The following DMXL2 variants were observed in gnomAD, a reference collection of about 807,000 sequenced individuals.
The protein encoded by DMXL2 is dmX-like protein 2.
Under a neutral mutation model 331.1 loss-of-function variants are expected in DMXL2, and 103 were observed. That is an observed-to-expected ratio of 0.31 (90% CI 0.27 to 0.37). The LOEUF is 0.37. Ranked by LOEUF, DMXL2 falls within the 10% of genes least tolerant of loss-of-function variation. The pLI, the probability that DMXL2 is intolerant of heterozygous loss-of-function variation, is 1.00. For missense variants in DMXL2, 3,171 were observed against 3,642.9 expected (o/e 0.87, Z 3.33); for synonymous variants, 1,281 against 1,252.1 (o/e 1.02, Z -0.49).
intron 6 of DMXL2, among the ~76,000 whole-genome samples, chr15:51,560,137 A>T (rs2049860654): frequency 6.6e-6 from 1 of 152,218 alleles, no homozygotes; most frequent in Non-Finnish European, 1.5e-5. Flanking sequence ...TTAAGATTTT[A>T]GGAGAAAATA....
At chr15:51,548,785 A>C (rs1048335589) in intron 6 of DMXL2, among the ~76,000 whole-genome samples, 2 of 152,130 alleles carry the variant, frequency 1.3e-5, no homozygotes, top group African/African-American at 4.8e-5. Flanking sequence ...AAATTCCCAA[A>C]TATTTGAAAA....
chr15:51,513,698 T>G (rs1170648243), intron 15 of DMXL2, among the ~76,000 whole-genome samples: 1 of 152,136 alleles, frequency 6.6e-6, no homozygotes, highest in Non-Finnish European at 1.5e-5. Flanking sequence ...CACATGAGAT[T>G]AATTATCTGA....
chr15:51,506,984 C>T (rs938871291), intron 16 of DMXL2, 150 bp downstream of exon 16: 128 of 576,894 alleles, frequency 2.2e-4, no homozygotes, highest in Admixed American at 4.1e-5. Flanking sequence ...TGATTTATGA[C>T]CTTGTAATTA....
intron 9 of DMXL2, among the ~76,000 whole-genome samples, chr15:51,538,920 A>T (rs2048430978): frequency 1.3e-5 from 2 of 152,180 alleles, no homozygotes; most frequent in African/African-American, 2.4e-5. Context: ...AGACTAAGAA[A>T]ACATTTCGAC....
chr15:51,547,826 G>C (rs191927828), intron 6 of DMXL2, among the ~76,000 whole-genome samples: 1 of 152,020 alleles, frequency 6.6e-6, no homozygotes, highest in Non-Finnish European at 1.5e-5. Context: ...TTCACCTCAC[G>C]AACATGAATT....
intron 1 of DMXL2, among the ~76,000 whole-genome samples, chr15:51,613,080 C>T (rs2054081452): frequency 6.6e-6 from 1 of 152,224 alleles, no homozygotes; most frequent in African/African-American, 2.4e-5. Flanking sequence ...CTGAACATTG[C>T]TGTTATCCTG....
intron 42 of DMXL2, among the ~76,000 whole-genome samples, chr15:51,451,176 CCAGTA>C (rs1262831859): frequency 1.3e-5 from 2 of 151,868 alleles, no homozygotes; most frequent in Non-Finnish European, 2.9e-5. Flanking sequence ...GCTTGTAATC[CCAGTA>C]CTTAGGGAGG....
chr15:51,604,401 C>A (rs55805232), intron 1 of DMXL2, among the ~76,000 whole-genome samples: 65,385 of 128,176 alleles, frequency 0.51, 14,793 homozygotes, highest in Non-Finnish European at 0.56. Flanking sequence ...AAGAGATTTA[C>A]AAAAAAAAAA....
chr15:51,515,585 A>G (rs1419119999), intron 14 of DMXL2, among the ~76,000 whole-genome samples: 1 of 152,194 alleles, frequency 6.6e-6, no homozygotes, highest in Admixed American at 6.5e-5. Flanking sequence ...GAGAAGGGTG[A>G]TGTCTTCACA....
At position 51,480,653 on chromosome 15, in the gene DMXL2, G is replaced by A. The variant is rs1442532424; in HGVS notation, c.6453C>T (p.Asn2151=). 9.3e-6 allele frequency: 15 copies of A among 1,612,682 alleles called. No individual in the cohort carries two copies. Among genetic ancestry groups the A allele is most frequent in the Non-Finnish European group, 1.2e-5 (14 of 1,178,902 alleles). ...TGAGAAATACTCTCAGGAGATCTTG[G>A]TTTTTCTGCAACCACGACTTTCGTC... ...AERRKSWLQK[N]QDLLRVFLSY... Residue 2151 remains asparagine (N), a synonymous_variant, in exon 24 of 44, where the codon AAC becomes AAT. Transcript: ENST00000560891.
intron 6 of DMXL2, among the ~76,000 whole-genome samples, chr15:51,560,608 G>A (rs1298924877): frequency 1.4e-5 from 2 of 147,498 alleles, no homozygotes; most frequent in East Asian, 3.9e-4. Flanking sequence ...GGTCAACGCT[G>A]CAATGAGCCG....
At chr15:51,476,760 A>G in intron 26 of DMXL2, 41 bp from the exon 27 acceptor site, 4 of 1,529,762 alleles carry the variant, frequency 2.6e-6, no homozygotes, top group Non-Finnish European at 3.5e-6. Context: ...CCTGAGAGGT[A>G]ATAAAAAATT....
intron 1 of DMXL2, among the ~76,000 whole-genome samples, chr15:51,592,796 T>A (rs1257730988): frequency 6.9e-6 from 1 of 144,106 alleles, no homozygotes; most frequent in African/African-American, 2.6e-5. Flanking sequence ...CACCCAGAAT[T>A]TCATATCCAG....
rs374867925 is a variant in DMXL2, at chr15:51,544,212, G to A, written c.930+1371C>T. Among the ~76,000 whole-genome samples, 6 of 152,280 alleles carry A rather than the reference G, an allele frequency of 3.9e-5. No homozygotes were observed. In the East Asian group the frequency reaches 1.2e-3, roughly 29 times the overall value. Reference sequence around the variant, plus strand: ...CCAATGTTGGAGGTAGAGCCTGGTGGGAGCTGTTTGGGTCATGAGGCGGAT... The same window carrying A: ...CCAATGTTGGAGGTAGAGCCTGGTGAGAGCTGTTTGGGTCATGAGGCGGAT... On this transcript the variant is annotated intron_variant, in intron 8 of 43. Transcript: ENST00000560891.
intron 37 of DMXL2, among the ~76,000 whole-genome samples, chr15:51,456,988 G>A (rs575210943): frequency 3.9e-5 from 6 of 152,182 alleles, no homozygotes; most frequent in East Asian, 1.9e-4. Flanking sequence ...CCTGGGCAGC[G>A]TGGTGAAACC....
At chr15:51,535,152 T>C (rs2048216921) in intron 13 of DMXL2, among the ~76,000 whole-genome samples, 1 of 152,158 alleles carries the variant, frequency 6.6e-6, no homozygotes, top group African/African-American at 2.4e-5. Flanking sequence ...TATAGGTAAA[T>C]GGAAAATCTA....
chr15:51,535,566 T>C (rs2048242626), intron 13 of DMXL2, 97 bp downstream of exon 13: 3 of 1,117,554 alleles, frequency 2.7e-6, no homozygotes, highest in Non-Finnish European at 3.8e-6. Flanking sequence ...ATATACTTAC[T>C]CCCTAAACAG....
chr15:51,462,049 G>T (rs1234302612), intron 33 of DMXL2, among the ~76,000 whole-genome samples: 2 of 152,052 alleles, frequency 1.3e-5, no homozygotes, highest in Non-Finnish European at 2.9e-5. Flanking sequence ...GGACTCAAAA[G>T]GTCTCTACAG....
Position 51,552,934 on chromosome 15 carries a change from A to C in DMXL2, c.568-5526T>G, listed in dbSNP as rs551607858. Among the ~76,000 whole-genome samples, 10 of 152,308 alleles carry C rather than the reference A, an allele frequency of 6.6e-5. No individual in the cohort carries two copies. In the East Asian group the frequency reaches 1.7e-3, roughly 26 times the overall value. ...CTGTTGCTCTTTAACAAGCCCTGCT[A>C]ATTCCTATTTCAGAGCATTTGCACT... On this transcript the variant is annotated intron_variant, in intron 6 of 43. Coordinates refer to ENST00000560891, the MANE Select transcript of DMXL2 (RefSeq NM_001378457.1).
Sources: allele counts gnomAD v4.1 joint callset (sites outside exome capture counted in the v4.1 genomes callset), GRCh38; gene constraint gnomAD v4.1.1; transcripts MANE v1.5; gene names NCBI Gene and HGNC (gene_info 2026-07-23, HGNC 2026-07-21).